Variants in PHACTR1 observed in about 807,000 individuals in gnomAD.
The protein encoded by PHACTR1 is RPEL repeat containing 1.
PHACTR1 carries 16 observed loss-of-function variants against 69.2 expected under a neutral mutation model. The observed-to-expected ratio is 0.23, with a 90% CI of 0.16 to 0.35. PHACTR1 has a LOEUF of 0.35. Ranked by LOEUF, PHACTR1 falls within the 10% of genes least tolerant of loss-of-function variation. The pLI is 1.00. For missense variants in PHACTR1, 510 were observed against 734.7 expected (o/e 0.69, Z 3.54); for synonymous variants, 312 against 284.5 (o/e 1.10, Z -0.97).
chr6:12,741,401 C>T (rs1381566158), intron 3 of PHACTR1, among the ~76,000 whole-genome samples: 1 of 151,682 alleles, frequency 6.6e-6, no homozygotes, highest in Admixed American at 6.6e-5. Context: ...TTATTATTAA[C>T]CTTTCATATT....
intron 4 of PHACTR1, among the ~76,000 whole-genome samples, chr6:12,934,848 A>C (rs1349594772): frequency 6.6e-6 from 1 of 151,264 alleles, no homozygotes; most frequent in African/African-American, 2.4e-5. Context: ...AAAAAAAAAC[A>C]AAAAAAAAAA....
In PHACTR1 at chr6:13,233,613, C is replaced by T. The variant is rs138125055; in HGVS notation, c.1391+3420C>T. On this transcript the variant is annotated intron_variant, in intron 10 of 14. Transcript: ENST00000332995. ...AGATGCTTATAAAACCATCAGATCT[C>T]GTGAGACCTACTCATTATCATGAGA... Among the ~76,000 whole-genome samples the T allele has an allele frequency of 5.3e-3, 812 of 152,210 alleles. 13 individuals carry two copies. Among genetic ancestry groups the T allele is most frequent in the African/African-American group, 0.019 (775 of 41,526 alleles).
intron 4 of PHACTR1, among the ~76,000 whole-genome samples, chr6:12,828,650 CCT>C (rs1307227137): frequency 2.0e-5 from 3 of 151,898 alleles, no homozygotes; most frequent in African/African-American, 7.3e-5. Context: ...TTTCTGTTTC[CCT>C]CTGTTTCTTT....
intron 3 of PHACTR1, among the ~76,000 whole-genome samples, chr6:12,728,482 A>G (rs1205625285): frequency 6.6e-6 from 1 of 152,200 alleles, no homozygotes; most frequent in Non-Finnish European, 1.5e-5. Context: ...TAGCTTAAAA[A>G]TATCATAGTG....
chr6:12,733,927 T>C (rs1203235867), intron 3 of PHACTR1, among the ~76,000 whole-genome samples: 1 of 152,186 alleles, frequency 6.6e-6, no homozygotes, highest in Non-Finnish European at 1.5e-5. Context: ...AAAAGTTACT[T>C]CTATATCTAA....
chr6:12,720,193 G>C (rs931125297), intron 3 of PHACTR1, among the ~76,000 whole-genome samples: 1 of 152,182 alleles, frequency 6.6e-6, no homozygotes, highest in African/African-American at 2.4e-5. Context: ...GATGAAGTTA[G>C]GCTCAATTCC....
intron 6 of PHACTR1, among the ~76,000 whole-genome samples, chr6:13,166,903 C>G: frequency 6.7e-6 from 1 of 149,908 alleles, no homozygotes; most frequent in Non-Finnish European, 1.5e-5. Context: ...AAATAATTCA[C>G]ATATGAATGG....
At chr6:13,231,567 A>G (rs542911509) in intron 10 of PHACTR1, among the ~76,000 whole-genome samples, 8 of 152,220 alleles carry the variant, frequency 5.3e-5, no homozygotes, top group African/African-American at 1.9e-4. Flanking sequence ...AGCACAAAGC[A>G]ATCAGACAAA....
At chr6:13,148,863 C>T (rs1471492438) in intron 5 of PHACTR1, among the ~76,000 whole-genome samples, 2 of 152,180 alleles carry the variant, frequency 1.3e-5, no homozygotes, top group African/African-American at 4.8e-5. Context: ...TAGGGGAATG[C>T]ACATGAGGGC....
intron 10 of PHACTR1, among the ~76,000 whole-genome samples, chr6:13,261,398 C>T (rs4711958): frequency 0.44 from 66,748 of 152,164 alleles, 18,097 homozygotes; most frequent in Non-Finnish European, 0.62. Context: ...ATTTCACAAA[C>T]ATTAAGCATC....
intron 7 of PHACTR1, among the ~76,000 whole-genome samples, chr6:13,183,914 A>G (rs982037009): frequency 2.0e-4 from 30 of 152,126 alleles, no homozygotes; most frequent in African/African-American, 7.0e-4. Flanking sequence ...CCCAATGACA[A>G]CTCTTCATGA....
chr6:12,786,054 C>G (rs1561880974), intron 4 of PHACTR1, among the ~76,000 whole-genome samples: 1 of 152,196 alleles, frequency 6.6e-6, no homozygotes, highest in African/African-American at 2.4e-5. Flanking sequence ...CGTTTTCTCC[C>G]TCTGCCCTTG....
intron 5 of PHACTR1, among the ~76,000 whole-genome samples, chr6:13,087,155 T>A (rs1812454995): frequency 1.4e-5 from 2 of 147,624 alleles, no homozygotes; most frequent in South Asian, 2.1e-4. Flanking sequence ...ATATATATTT[T>A]TATATATAAC....
At chr6:12,917,329 G>T (rs1212898336) in intron 4 of PHACTR1, among the ~76,000 whole-genome samples, 1 of 152,212 alleles carries the variant, frequency 6.6e-6, no homozygotes, top group African/African-American at 2.4e-5. Context: ...GGATGGCCTT[G>T]CTTGGGATGG....
intron 4 of PHACTR1, among the ~76,000 whole-genome samples, chr6:12,815,360 C>T (rs989567256): frequency 6.6e-6 from 1 of 152,198 alleles, no homozygotes; most frequent in African/African-American, 2.4e-5. Flanking sequence ...TTGAGAACCT[C>T]ATACTCTGGA....
At chr6:12,946,401 C>T (rs927546778) in intron 4 of PHACTR1, among the ~76,000 whole-genome samples, 4 of 151,780 alleles carry the variant, frequency 2.6e-5, no homozygotes, top group Non-Finnish European at 4.4e-5. Context: ...ATTCTGGTGG[C>T]GGTGTGAAAA....
intron 4 of PHACTR1, among the ~76,000 whole-genome samples, chr6:12,994,016 G>A (rs2127611049): frequency 6.6e-6 from 1 of 152,122 alleles, no homozygotes; most frequent in South Asian, 2.1e-4. Flanking sequence ...AAATACATAT[G>A]CTTACAATAA....
chr6:13,167,241 T>G (rs544635381), intron 6 of PHACTR1, among the ~76,000 whole-genome samples: 1 of 152,330 alleles, frequency 6.6e-6, no homozygotes, highest in South Asian at 2.1e-4. Flanking sequence ...TTGCAAGTAA[T>G]CTCTACAAAT....
intron 4 of PHACTR1, among the ~76,000 whole-genome samples, chr6:12,923,037 G>A (rs1356532133): frequency 6.6e-6 from 1 of 152,132 alleles, no homozygotes; most frequent in Non-Finnish European, 1.5e-5. Flanking sequence ...AATTCTGATT[G>A]CAAAAATCCC....
Sources: allele counts gnomAD v4.1 joint callset (sites outside exome capture counted in the v4.1 genomes callset), GRCh38; gene constraint gnomAD v4.1.1; transcripts MANE v1.5; gene names NCBI Gene and HGNC (gene_info 2026-07-23, HGNC 2026-07-21).